The following RANBP2 variants were observed in gnomAD, a reference collection of about 807,000 sequenced individuals.
RANBP2 encodes E3 SUMO-protein ligase RanBP2.
A neutral mutation model predicts 303.6 loss-of-function variants in RANBP2; 57 were observed. The ratio of observed to expected loss-of-function variants is 0.19; its 90% CI spans 0.15 to 0.23. RANBP2 has a LOEUF of 0.23. Among genes scored for constraint, RANBP2 ranks in the 10% least tolerant of loss-of-function variants. The probability of loss-of-function intolerance (pLI) is 1.00; values close to 1 mark genes in which losing one functional copy is unlikely to be tolerated. For synonymous variants in RANBP2, 1,167 were observed against 1,301.5 expected (o/e 0.90, Z 2.23); for missense variants, 3,138 against 3,780.8 (o/e 0.83, Z 4.46).
the RANBP2 span, among the ~76,000 whole-genome samples, chr2:109,673,186 TG>T: frequency 6.6e-6 from 1 of 152,212 alleles, no homozygotes; most frequent in Non-Finnish European, 1.5e-5. Flanking sequence ...GAGTGAGCTG[TG>T]GAGCCTAACT....
the RANBP2 span, among the ~76,000 whole-genome samples, chr2:109,694,098 T>C: frequency 1.3e-5 from 2 of 152,196 alleles, no homozygotes; most frequent in South Asian, 4.1e-4. Context: ...AAATCTCATG[T>C]TGAATTGTAA....
the RANBP2 span, among the ~76,000 whole-genome samples, chr2:108,987,920 T>C: frequency 3.5e-4 from 53 of 152,330 alleles, no homozygotes; most frequent in South Asian, 6.2e-4. Context: ...CATTCTCTAT[T>C]TTAGATGCCT....
chr2:109,596,258 G>C, the RANBP2 span, among the ~76,000 whole-genome samples: 1 of 152,104 alleles, frequency 6.6e-6, no homozygotes, highest in African/African-American at 2.4e-5. Flanking sequence ...TATAATGATA[G>C]CATATCATGA....
chr2:109,078,270 A>ATATATATATATATATATAGCG, the RANBP2 span, among the ~76,000 whole-genome samples: 1 of 10,430 alleles, frequency 9.6e-5, no homozygotes, highest in African/African-American at 3.6e-4. Flanking sequence ...TATAGCGCGT[A>ATATATATATATATATATAGCG]TATATATATA....
chr2:109,262,059 A>C, the RANBP2 span, among the ~76,000 whole-genome samples: 1 of 152,162 alleles, frequency 6.6e-6, no homozygotes, highest in Admixed American at 6.5e-5. Context: ...CTGATGCACC[A>C]GCCCCAACGG....
the RANBP2 span, among the ~76,000 whole-genome samples, chr2:109,428,578 C>T: frequency 6.6e-6 from 1 of 152,210 alleles, no homozygotes; most frequent in Non-Finnish European, 1.5e-5. Flanking sequence ...CTGTACTTGT[C>T]CTCAGCAACC....
At chr2:108,729,276 AAT>A (rs1694983187) in intron 2 of RANBP2, 77 bp downstream of exon 2, 1 of 1,438,980 alleles carries the variant, frequency 6.9e-7, no homozygotes, top group African/African-American at 1.4e-5. Flanking sequence ...AATAGGTAAA[AAT>A]ATGTTCTTAG....
At chr2:108,892,974 A>G in the RANBP2 span, among the ~76,000 whole-genome samples, 1 of 152,222 alleles carries the variant, frequency 6.6e-6, no homozygotes, top group Non-Finnish European at 1.5e-5. Context: ...TGTCTGTGCT[A>G]TTTCTAATAC....
At chr2:109,496,670 A>G in the RANBP2 span, among the ~76,000 whole-genome samples, 1 of 152,286 alleles carries the variant, frequency 6.6e-6, no homozygotes, top group Admixed American at 6.5e-5. Flanking sequence ...TTAGGATTTC[A>G]GCGTTCCTTG....
At chr2:109,133,094 G>A in the RANBP2 span, among the ~76,000 whole-genome samples, 2 of 152,252 alleles carry the variant, frequency 1.3e-5, no homozygotes, top group African/African-American at 2.4e-5. Context: ...AGTAGAGGTA[G>A]TGAGTGGTTG....
the RANBP2 span, among the ~76,000 whole-genome samples, chr2:109,053,205 C>T: frequency 6.6e-6 from 1 of 152,218 alleles, no homozygotes; most frequent in African/African-American, 2.4e-5. Flanking sequence ...GCAACATCTG[C>T]ACTTCCAAGG....
the RANBP2 span, among the ~76,000 whole-genome samples, chr2:109,197,760 C>T: frequency 6.6e-6 from 1 of 152,230 alleles, no homozygotes; most frequent in East Asian, 1.9e-4. Flanking sequence ...TCAGGCTCTG[C>T]ACTGGCCCTG....
At chr2:109,355,402 C>T in the RANBP2 span, among the ~76,000 whole-genome samples, 8 of 152,170 alleles carry the variant, frequency 5.3e-5, no homozygotes, top group African/African-American at 1.9e-4. Flanking sequence ...GACTAGGACT[C>T]TCTGACCAAA....
the RANBP2 span, among the ~76,000 whole-genome samples, chr2:108,809,290 G>A: frequency 6.6e-6 from 1 of 152,046 alleles, no homozygotes. Context: ...GATCGCTTTC[G>A]CTTATTTGGG....
the RANBP2 span, among the ~76,000 whole-genome samples, chr2:109,511,724 T>C: frequency 4.5e-4 from 69 of 152,346 alleles, no homozygotes; most frequent in African/African-American, 1.6e-3. Context: ...CCATCTACTG[T>C]AAGTCTTTTC....
chr2:109,069,001 A>G, the RANBP2 span, among the ~76,000 whole-genome samples: 1 of 152,016 alleles, frequency 6.6e-6, no homozygotes, highest in African/African-American at 2.4e-5. Flanking sequence ...CCCATATGGC[A>G]CTCCTCCCTT....
chr2:109,508,305 C>T, the RANBP2 span, among the ~76,000 whole-genome samples: 4 of 152,152 alleles, frequency 2.6e-5, no homozygotes, highest in Non-Finnish European at 5.9e-5. Context: ...GGTGTCAGCC[C>T]TGCCCAGACT....
chr2:109,130,091 G>A, the RANBP2 span: 1 of 1,353,798 alleles, frequency 7.4e-7, no homozygotes. Context: ...CTGGCGACCA[G>A]CAGGACCGCG....
the RANBP2 span, chr2:108,896,791 A>T: frequency 3.0e-6 from 3 of 1,013,062 alleles, no homozygotes; most frequent in Non-Finnish European, 4.4e-6. Context: ...CCTAAGGCAT[A>T]CGGTGACATA....
Sources: allele counts gnomAD v4.1 joint callset (sites outside exome capture counted in the v4.1 genomes callset), GRCh38; gene constraint gnomAD v4.1.1; transcripts MANE v1.5; gene names NCBI Gene and HGNC (gene_info 2026-07-23, HGNC 2026-07-21).